LIFR: variants seen among roughly 807,000 people sequenced by gnomAD.
The protein encoded by LIFR is leukemia inhibitory factor receptor.
Under a neutral mutation model 122.2 loss-of-function variants are expected in LIFR, and 84 were observed. That is an observed-to-expected ratio of 0.69 (90% CI 0.58 to 0.82). The LOEUF (loss-of-function observed/expected upper bound fraction) is 0.82, where lower values mean the gene tolerates loss of function less well. Ranked by LOEUF, LIFR falls within the 40% of genes least tolerant of loss-of-function variation. LIFR has a pLI of 0.00. For missense variants in LIFR, 1,294 were observed against 1,311.6 expected, an observed-to-expected ratio of 0.99 and a Z score of 0.21; for synonymous variants, 422 against 434.7, an observed-to-expected ratio of 0.97 and a Z score of 0.36.
chr5:38,549,558 C>T (rs1473144022), intron 1 of LIFR, among the ~76,000 whole-genome samples: 1 of 152,058 alleles, frequency 6.6e-6, no homozygotes, highest in Admixed American at 6.5e-5. Flanking sequence ...TTTGGGAGGC[C>T]GAGGCAGGCG....
At chr5:38,515,964 ATGAC>A (rs1277730730) in intron 5 of LIFR, among the ~76,000 whole-genome samples, 1 of 152,230 alleles carries the variant, frequency 6.6e-6, no homozygotes, top group Non-Finnish European at 1.5e-5. Flanking sequence ...ATATCATAAA[ATGAC>A]TGATCACAAG....
intron 1 of LIFR, among the ~76,000 whole-genome samples, chr5:38,562,189 T>A (rs895845781): frequency 7.2e-5 from 11 of 152,224 alleles, no homozygotes; most frequent in Admixed American, 5.9e-4. Context: ...TCCATCTGAT[T>A]GGAATCTTCG....
chr5:38,604,189 A>G (rs535346241), intron 2 of LIFR, among the ~76,000 whole-genome samples: 3 of 152,316 alleles, frequency 2.0e-5, no homozygotes, highest in Admixed American at 2.0e-4. Flanking sequence ...GCAGTGGCTG[A>G]GGCTGAGCTG....
chr5:38,494,965 T>C (rs1444382563), intron 13 of LIFR, among the ~76,000 whole-genome samples: 1 of 152,198 alleles, frequency 6.6e-6, no homozygotes, highest in Non-Finnish European at 1.5e-5. Flanking sequence ...TTGAACAAAA[T>C]GTACATTCAT....
intron 1 of LIFR, chr5:38,607,819 G>T (rs9688046): frequency 2.6e-5 from 4 of 152,028 alleles, no homozygotes; most frequent in African/African-American, 7.3e-5. Flanking sequence ...GACAAGTAAG[G>T]TCAGGTGCAT....
At chr5:38,543,630 G>A (rs1398176503) in intron 1 of LIFR, among the ~76,000 whole-genome samples, 1 of 152,156 alleles carries the variant, frequency 6.6e-6, no homozygotes, top group Non-Finnish European at 1.5e-5. Context: ...TCAAAGGTGT[G>A]TTCACTAAAT....
In LIFR at chr5:38,489,238, A is replaced by G; in HGVS notation, c.2175T>C (p.Ile725=). Residue 725 remains isoleucine, a synonymous_variant, in exon 16 of 20, where the codon ATT becomes ATC. Coordinates refer to ENST00000453190, the MANE Select transcript of LIFR (RefSeq NM_001127671.2). ...MIGYIEELAP[I]VAPNFTVEDT... is the part of the protein sequence containing the mutation. ...CCTCAACAGTAAAATTTGGTGCAAC[A>G]ATGGGAGCTGTAAAAGGAAAAAGTC... is the stretch of plus-strand genomic sequence containing the variant. 6.2e-7 allele frequency: 1 copy of G among 1,612,428 alleles called. No individual in the cohort carries two copies. Among genetic ancestry groups the G allele is most frequent in the South Asian group, 1.1e-5 (1 of 91,042 alleles).
chr5:38,493,847 T>C (rs1306452353), intron 13 of LIFR, 62 bp from the exon 14 acceptor site: 1 of 1,365,644 alleles, frequency 7.3e-7, no homozygotes, highest in Non-Finnish European at 1.0e-6. Context: ...GCAAATCTCA[T>C]AAAAATGGAC....
chr5:38,485,637 T>C (rs1408734875), intron 17 of LIFR, 182 bp downstream of exon 17: 1 of 641,390 alleles, frequency 1.6e-6, no homozygotes, highest in African/African-American at 1.8e-5. Context: ...TTCAAATAAC[T>C]GACAAGAATA....
At chr5:38,528,917 G>A in intron 2 of LIFR, 77 bp from the exon 3 acceptor site, 2 of 909,540 alleles carry the variant, frequency 2.2e-6, no homozygotes, top group South Asian at 1.4e-5. Flanking sequence ...TAAGTCAACT[G>A]CACTCTAAAA....
intron 5 of LIFR, among the ~76,000 whole-genome samples, chr5:38,519,721 A>G (rs1247798101): frequency 6.6e-6 from 1 of 152,116 alleles, no homozygotes; most frequent in African/African-American, 2.4e-5. Flanking sequence ...AGAACATACT[A>G]TATTTATCTT....
At chr5:38,524,443 C>CAG (rs1470670994) in intron 4 of LIFR, among the ~76,000 whole-genome samples, 1 of 152,092 alleles carries the variant, frequency 6.6e-6, no homozygotes, top group Non-Finnish European at 1.5e-5. Context: ...TGGAGCAATC[C>CAG]TGGCTAGAGT....
rs1244312562 is a variant in LIFR, at chr5:38,479,706, G to C, written c.*1889C>G. 4.3e-6 allele frequency: 1 copy of C among 231,516 alleles called. No homozygotes were observed. Among genetic ancestry groups the C allele is most frequent in the African/African-American group, 2.2e-5 (1 of 45,226 alleles). The allele number at this position is 231,516 out of a possible 1,614,324, so 14.3% of individuals were successfully genotyped here. On this transcript the variant is annotated 3_prime_UTR_variant, in exon 20 of 20. Coordinates refer to ENST00000453190, the MANE Select transcript of LIFR (RefSeq NM_001127671.2). ...GCAGACAATGCTAACAGCAAGCTTT[G>C]GCAGGGAGAGAAGGCAGCCCCAGGT...
Position 38,479,524 on chromosome 5 carries a change from G to C in LIFR, c.*2071C>G, listed in dbSNP as rs1221121560. On this transcript the variant is annotated 3_prime_UTR_variant, in exon 20 of 20. Coordinates refer to ENST00000453190, the MANE Select transcript of LIFR (RefSeq NM_001127671.2). ...TGAAATGCATATATATTGACAGACA[G>C]AGATCAAACAATCTCTTCTGGCCTT... 2 of 231,480 alleles carry C rather than the reference G, an allele frequency of 8.6e-6. No individual in the cohort carries two copies. The highest frequency in any genetic ancestry group is 1.2e-4 in the East Asian group (2 of 16,408). The allele number at this position is 231,480 out of a possible 1,614,324, so 14.3% of individuals were successfully genotyped here. A position where few individuals can be genotyped will look rare whatever the true frequency, so the allele number is the denominator to read the frequency against.
At chr5:38,540,981 A>G (rs1222431741) in intron 1 of LIFR, among the ~76,000 whole-genome samples, 1 of 152,158 alleles carries the variant, frequency 6.6e-6, no homozygotes, top group Non-Finnish European at 1.5e-5. Flanking sequence ...ATGCTTTCTT[A>G]ACATTCTTTA....
At position 38,485,467 on chromosome 5, in the gene LIFR, T is replaced by C. The variant is rs73077455; in HGVS notation, c.2497+352A>G. ...TTTACAAAAAATTTTTTTAAGAATA[T>C]CTCCTTCACTTTTCCCTAGATATGT... On this transcript the variant is annotated intron_variant, in intron 17 of 19. Transcript: ENST00000453190. The C allele has an allele frequency of 2.3e-3, 741 of 320,694 alleles. 6 individuals carry two copies. Among genetic ancestry groups the C allele is most frequent in the African/African-American group, 0.015 (680 of 46,106 alleles). 19.9% of individuals were successfully genotyped at this position (320,694 alleles called of 1,614,324 possible).
intron 2 of LIFR, among the ~76,000 whole-genome samples, chr5:38,604,799 G>A (rs1034037663): frequency 1.3e-5 from 2 of 152,210 alleles, no homozygotes; most frequent in African/African-American, 4.8e-5. Context: ...GCGTAAGGTG[G>A]TCGGTGTACA....
rs1210357625 is a variant in LIFR at position 38,606,387 on chromosome 5, T to A, written n.204-81A>T. 2.0e-5 allele frequency: 3 copies of A among 152,074 alleles called. No homozygotes were observed. The East Asian group carries it at 5.8e-4, about 29-fold the overall frequency. 9.4% of individuals were successfully genotyped at this position (152,074 alleles called of 1,614,324 possible). A position where few individuals can be genotyped will look rare whatever the true frequency, so the allele number is the denominator to read the frequency against. ...ACAGAGAGACGGTTCCACACACTTT[T>A]AAATTACCAGATCTAGCCAGGAACC... is the stretch of plus-strand genomic sequence containing the variant. On this transcript the variant is annotated intron_variant and non_coding_transcript_variant, in intron 1 of 3. Coordinates refer to the LIFR transcript ENST00000507786.
At position 38,512,931 on chromosome 5, in the gene LIFR, A is replaced by G; in HGVS notation, c.562-967T>C. On this transcript the variant is annotated intron_variant, in intron 5 of 19. Transcript: ENST00000453190. Reference sequence around the variant, plus strand: ...GACTAGATTTGTTTTTTATATAAGTATTCTATATAGTTGCTTTTATTTTTA... The same window carrying G: ...GACTAGATTTGTTTTTTATATAAGTGTTCTATATAGTTGCTTTTATTTTTA... 1.3e-5 allele frequency among the ~76,000 whole-genome samples: 2 copies of G among 152,028 alleles called. 1 individual carries two copies. Among genetic ancestry groups the G allele is most frequent in the Non-Finnish European group, 2.9e-5 (2 of 67,988 alleles).
Sources: gnomAD v4.1 joint callset for allele counts (sites outside exome capture counted in the v4.1 genomes callset) on GRCh38, gnomAD v4.1.1 for gene constraint, MANE v1.5 for transcripts, NCBI Gene and HGNC (gene_info 2026-07-23, HGNC 2026-07-21) for gene names.